TMEM200A: variants seen among roughly 807,000 people sequenced by gnomAD.
TMEM200A encodes transmembrane protein 200A, also known as two transmembrane C.
Under a neutral mutation model 24.3 loss-of-function variants are expected in TMEM200A, and 12 were observed. The observed-to-expected ratio is 0.49, with a 90% confidence interval of 0.32 to 0.80. The LOEUF (loss-of-function observed/expected upper bound fraction) is 0.80, where lower values mean the gene tolerates loss of function less well. TMEM200A is among the 30% of genes least tolerant of loss of function. The pLI is 0.04. For synonymous variants in TMEM200A, 224 were observed against 224.4 expected, an observed-to-expected ratio of 1.00 and a Z score of 0.02; for missense variants, 545 against 614.4, an observed-to-expected ratio of 0.89 and a Z score of 1.19.
chr6:130,388,328 A>C (rs73611685), intron 2 of TMEM200A, among the ~76,000 whole-genome samples: 8,954 of 152,288 alleles, frequency 0.059, 884 homozygotes, highest in African/African-American at 0.2. Context: ...ATTAAAAAGA[A>C]AATAAACTAC....
chr6:130,388,575 T>G (rs1012936916), intron 2 of TMEM200A, among the ~76,000 whole-genome samples: 4 of 152,240 alleles, frequency 2.6e-5, no homozygotes, highest in African/African-American at 9.6e-5. Context: ...CCTTATTTTT[T>G]TATATTTCTA....
chr6:130,404,720 G>T (rs1028158103), intron 2 of TMEM200A, among the ~76,000 whole-genome samples: 1 of 152,038 alleles, frequency 6.6e-6, no homozygotes, highest in African/African-American at 2.4e-5. Flanking sequence ...AATTGCTTTT[G>T]GCGTCTTTGT....
chr6:130,377,875 G>A (rs1399289397), intron 1 of TMEM200A, among the ~76,000 whole-genome samples: 1 of 152,186 alleles, frequency 6.6e-6, no homozygotes, highest in East Asian at 1.9e-4. Flanking sequence ...GGGACTAAGA[G>A]CAGTTAGGAT....
chr6:130,428,985 G>A (rs1006842192), intron 2 of TMEM200A, among the ~76,000 whole-genome samples: 1 of 151,980 alleles, frequency 6.6e-6, no homozygotes, highest in South Asian at 2.1e-4. Context: ...GAAACTCAAT[G>A]ACAGAATACC....
At chr6:130,435,451 A>G (rs1779980431) in intron 2 of TMEM200A, among the ~76,000 whole-genome samples, 1 of 152,204 alleles carries the variant, frequency 6.6e-6, no homozygotes, top group Non-Finnish European at 1.5e-5. Flanking sequence ...CAGGAAACAT[A>G]TTTTGAGCCC....
rs554323218 is a variant in TMEM200A, at chr6:130,392,728, C to T, written c.-17+7492C>T. On this transcript the variant is annotated intron_variant, in intron 2 of 2. Transcript: ENST00000296978. ...TTAAGATACAGCTCAAGCATTTCTT[C>T]ATCTTACAAGCAACACCTAACCACC... 4.6e-5 allele frequency among the ~76,000 whole-genome samples: 7 copies of T among 152,252 alleles called. No homozygotes were observed. The South Asian group carries it at 1.4e-3, about 32-fold the overall frequency.
chr6:130,416,660 AC>A (rs1463047661), intron 2 of TMEM200A, among the ~76,000 whole-genome samples: 1 of 152,094 alleles, frequency 6.6e-6, no homozygotes. Context: ...TTCCTGAGTT[AC>A]TGTAGGGGCT....
At chr6:130,379,098 C>A (rs904413564) in intron 1 of TMEM200A, among the ~76,000 whole-genome samples, 3 of 152,198 alleles carry the variant, frequency 2.0e-5, no homozygotes. Context: ...GTGGCCTAAT[C>A]ACTTCTCAGA....
chr6:130,413,127 T>C (rs1194171083), intron 2 of TMEM200A, among the ~76,000 whole-genome samples: 3 of 152,228 alleles, frequency 2.0e-5, no homozygotes, highest in Admixed American at 2.0e-4. Context: ...TGTGGTCTTT[T>C]AAACAGAACA....
At chr6:130,422,941 A>T (rs894627790) in intron 2 of TMEM200A, among the ~76,000 whole-genome samples, 3 of 152,224 alleles carry the variant, frequency 2.0e-5, no homozygotes, top group Admixed American at 6.5e-5. Context: ...TAATTTTGAC[A>T]TGGAATTTTA....
chr6:130,429,269 C>A (rs2115204075), intron 2 of TMEM200A, among the ~76,000 whole-genome samples: 1 of 152,192 alleles, frequency 6.6e-6, no homozygotes, highest in Admixed American at 6.5e-5. Context: ...TGCCTGTAAT[C>A]CCAGCACTTT....
At chr6:130,401,913 T>G (rs1583198733) in intron 2 of TMEM200A, among the ~76,000 whole-genome samples, 1 of 151,980 alleles carries the variant, frequency 6.6e-6, no homozygotes, top group South Asian at 2.1e-4. Flanking sequence ...TTTCCATTTT[T>G]CTTAAACCAT....
chr6:130,440,903 A>G lies in TMEM200A; in HGVS notation c.481A>G (p.Arg161Gly). ...CAAAGAGACCAAAATCATACACATGAGGGATATCTATTCCACAGTCATTGA... is the reference window on the plus strand; with the variant it reads ...CAAAGAGACCAAAATCATACACATGGGGGATATCTATTCCACAGTCATTGA... ...RDKETKIIHM[R>G]DIYSTVIDIH... Residue 161 changes from arginine (R) to glycine (G), a missense_variant, in exon 3 of 3, where the codon AGG becomes GGG. Physicochemically the swap from Arg to Gly is moderately radical, Grantham distance 125. Coordinates refer to ENST00000296978, the MANE Select transcript of TMEM200A (RefSeq NM_001258277.2). The G allele has an allele frequency of 6.2e-7, 1 of 1,614,084 alleles. No individual in the cohort carries two copies. Among genetic ancestry groups the G allele is most frequent in the Non-Finnish European group, 8.5e-7 (1 of 1,180,002 alleles).
At chr6:130,380,655 A>C (rs1212846546) in intron 1 of TMEM200A, among the ~76,000 whole-genome samples, 1 of 152,092 alleles carries the variant, frequency 6.6e-6, no homozygotes, top group Non-Finnish European at 1.5e-5. Flanking sequence ...CCTTGTTCTT[A>C]TTTTCCTACA....
At chr6:130,385,482 G>C (rs1179090620) in intron 2 of TMEM200A, among the ~76,000 whole-genome samples, 1 of 152,168 alleles carries the variant, frequency 6.6e-6, no homozygotes, top group East Asian at 1.9e-4. Context: ...CTGCTCTGGT[G>C]AAACACTCAC....
intron 2 of TMEM200A, among the ~76,000 whole-genome samples, chr6:130,422,507 TCTGC>T (rs1779620974): frequency 6.6e-6 from 1 of 152,178 alleles, no homozygotes; most frequent in Non-Finnish European, 1.5e-5. Context: ...CCTCAAGTGA[TCTGC>T]CTGCCTCGGC....
chr6:130,391,646 T>A lies in TMEM200A; in HGVS notation c.-17+6410T>A, dbSNP rs577825577. 1.1e-4 allele frequency among the ~76,000 whole-genome samples: 16 copies of A among 152,176 alleles called. No individual in the cohort carries two copies. In the East Asian group the frequency reaches 2.7e-3, roughly 26 times the overall value. On this transcript the variant is annotated intron_variant, in intron 2 of 2. Coordinates refer to ENST00000296978, the MANE Select transcript of TMEM200A (RefSeq NM_001258277.2). The stretch of plus-strand genomic sequence containing the variant: ...ATTACTAGAGGTCTCCTCTTGTATA[T>A]TTCACAAGGTCCAGAAACAGAGACC...
intron 2 of TMEM200A, among the ~76,000 whole-genome samples, chr6:130,403,471 T>G (rs920555907): frequency 6.6e-6 from 1 of 152,156 alleles, no homozygotes; most frequent in African/African-American, 2.4e-5. Flanking sequence ...ATGGTGATTA[T>G]TTATATAATC....
chr6:130,439,728 A>G (rs1167980226), intron 2 of TMEM200A, among the ~76,000 whole-genome samples: 1 of 152,208 alleles, frequency 6.6e-6, no homozygotes, highest in African/African-American at 2.4e-5. Context: ...CAGTGAGGTC[A>G]GAGTAGAAGT....
Sources: gnomAD v4.1 joint callset for allele counts (sites outside exome capture counted in the v4.1 genomes callset) on GRCh38, gnomAD v4.1.1 for gene constraint, MANE v1.5 for transcripts, NCBI Gene and HGNC (gene_info 2026-07-23, HGNC 2026-07-21) for gene names.